Variants in EYS observed in about 807,000 individuals in gnomAD.
The protein encoded by EYS is EGF-like photoreceptor maintenance factor.
A neutral mutation model predicts 282.1 loss-of-function variants in EYS; 250 were observed. The observed-to-expected ratio is 0.89, with a 90% CI of 0.80 to 0.98. The LOEUF (loss-of-function observed/expected upper bound fraction) is 0.98, where lower values mean the gene tolerates loss of function less well. Ranked by LOEUF, EYS falls within the 50% of genes least tolerant of loss-of-function variation. The pLI is 0.00. For missense variants in EYS, 4,016 were observed against 3,709.0 expected, an observed-to-expected ratio of 1.08 and a Z score of -2.15; for synonymous variants, 1,355 against 1,282.9, an observed-to-expected ratio of 1.06 and a Z score of -1.20.
intron 2 of EYS, among the ~76,000 whole-genome samples, chr6:65,627,621 C>T (rs9453349): frequency 0.21 from 31,595 of 151,972 alleles, 3,336 homozygotes; most frequent in East Asian, 0.32. Context: ...GTGGTCTTGG[C>T]GGCCCCACAC....
At chr6:63,778,597 A>G (rs1292044285) in intron 39 of EYS, among the ~76,000 whole-genome samples, 1 of 152,210 alleles carries the variant, frequency 6.6e-6, no homozygotes. Flanking sequence ...TAATAAACCT[A>G]TAATTATTAT....
intron 22 of EYS, among the ~76,000 whole-genome samples, chr6:64,787,915 T>C (rs1774073118): frequency 6.6e-6 from 1 of 152,014 alleles, no homozygotes; most frequent in South Asian, 2.1e-4. Context: ...TTCTGTTATC[T>C]GGGTTTCCCT....
intron 1 of EYS, among the ~76,000 whole-genome samples, chr6:65,694,346 T>C (rs1186215994): frequency 6.7e-6 from 1 of 149,976 alleles, no homozygotes; most frequent in African/African-American, 2.4e-5. Flanking sequence ...ATTTTTAAAT[T>C]TAGTAACTTA....
intron 5 of EYS, among the ~76,000 whole-genome samples, chr6:65,467,228 C>A (rs759664892): frequency 6.6e-6 from 1 of 151,998 alleles, no homozygotes. Context: ...TATACAGAGG[C>A]CTTTTTGCCT....
intron 1 of EYS, among the ~76,000 whole-genome samples, chr6:65,668,131 T>A (rs1276383155): frequency 6.6e-6 from 1 of 151,868 alleles, no homozygotes; most frequent in East Asian, 1.9e-4. Context: ...CACTTTATTT[T>A]GGGCTATCAT....
Position 64,876,359 on chromosome 6 carries a change from G to C in EYS, c.2992+10338C>G, listed in dbSNP as rs111255927. Among the ~76,000 whole-genome samples the C allele has an allele frequency of 8.7e-3, 1,330 of 152,046 alleles. 15 individuals carry two copies. The highest frequency in any genetic ancestry group is 0.03 in the African/African-American group (1,245 of 41,524). On this transcript the variant is annotated intron_variant, in intron 19 of 42. Coordinates refer to ENST00000503581, the MANE Select transcript of EYS (RefSeq NM_001142800.2). Reference sequence around the variant, plus strand: ...GCAGCATGAGAAGAAAATTAAAAGAGAAAACACTTTATGAAAAACTATAAT... The same window carrying C: ...GCAGCATGAGAAGAAAATTAAAAGACAAAACACTTTATGAAAAACTATAAT...
chr6:65,588,118 AG>A (rs1202935865), intron 2 of EYS, among the ~76,000 whole-genome samples: 3 of 152,114 alleles, frequency 2.0e-5, no homozygotes, highest in African/African-American at 7.2e-5. Context: ...TTGATCCAAA[AG>A]GGAATTGAGA....
intron 14 of EYS, among the ~76,000 whole-genome samples, chr6:64,949,935 G>T (rs994097081): frequency 4.6e-5 from 7 of 151,864 alleles, no homozygotes; most frequent in Non-Finnish European, 7.4e-5. Flanking sequence ...TCATTAATTA[G>T]TAGTAGCCAT....
intron 35 of EYS, among the ~76,000 whole-genome samples, chr6:63,882,550 T>C (rs1390903616): frequency 6.6e-6 from 1 of 152,214 alleles, no homozygotes; most frequent in African/African-American, 2.4e-5. Context: ...CTAGGCACTG[T>C]ACAACTGTGT....
intron 14 of EYS, among the ~76,000 whole-genome samples, chr6:64,950,792 C>CATACATATATATATAT (rs1419966413): frequency 3.1e-4 from 19 of 60,910 alleles, no homozygotes; most frequent in African/African-American, 1.1e-3. Flanking sequence ...TACACATATA[C>CATACATATATATATAT]ATATACATAT....
chr6:64,521,002 A>C (rs1777717116), intron 26 of EYS, among the ~76,000 whole-genome samples: 1 of 151,830 alleles, frequency 6.6e-6, no homozygotes, highest in South Asian at 2.1e-4. Flanking sequence ...CTAAACCATT[A>C]AAGGATCAGA....
At chr6:64,831,078 TC>T (rs1765198438) in intron 19 of EYS, among the ~76,000 whole-genome samples, 2 of 151,928 alleles carry the variant, frequency 1.3e-5, no homozygotes, top group Non-Finnish European at 1.5e-5. Flanking sequence ...CATCTTCCTT[TC>T]CCAGTCCTAC....
chr6:64,368,170 A>G (rs1489059936), intron 29 of EYS, among the ~76,000 whole-genome samples: 1 of 152,032 alleles, frequency 6.6e-6, no homozygotes, highest in East Asian at 1.9e-4. Context: ...TTTAGTTCTC[A>G]CTTGTAAGTG....
chr6:63,741,931 G>A (rs999080677), intron 41 of EYS: 4 of 702,146 alleles, frequency 5.7e-6, no homozygotes, highest in African/African-American at 3.5e-5. Flanking sequence ...TTCACTTTCC[G>A]TTCTGCTGGT....
At chr6:65,161,143 G>A (rs970966363) in intron 12 of EYS, among the ~76,000 whole-genome samples, 3 of 150,910 alleles carry the variant, frequency 2.0e-5, no homozygotes, top group African/African-American at 7.3e-5. Context: ...TAAGGAGTTG[G>A]CTACTGCTTA....
intron 11 of EYS, among the ~76,000 whole-genome samples, chr6:65,324,398 A>G (rs1769561396): frequency 6.6e-6 from 1 of 152,184 alleles, no homozygotes; most frequent in African/African-American, 2.4e-5. Flanking sequence ...TCCAGTTCAC[A>G]TCTTCACCCT....
At chr6:64,267,237 C>T (rs879574977) in intron 30 of EYS, among the ~76,000 whole-genome samples, 6 of 152,084 alleles carry the variant, frequency 3.9e-5, no homozygotes, top group Non-Finnish European at 8.8e-5. Flanking sequence ...TCAAAGAGAT[C>T]TGAGAGGCTC....
At chr6:63,734,551 G>A (rs1010267797) in intron 41 of EYS, among the ~76,000 whole-genome samples, 1 of 152,074 alleles carries the variant, frequency 6.6e-6, no homozygotes, top group African/African-American at 2.4e-5. Context: ...ATGGTGGCTT[G>A]TATCAGAGAA....
At chr6:65,506,188 C>G (rs1460115127) in intron 2 of EYS, among the ~76,000 whole-genome samples, 1 of 152,062 alleles carries the variant, frequency 6.6e-6, no homozygotes. Context: ...TATATCTTTT[C>G]TCGTCTCTTT....
Sources: allele counts gnomAD v4.1 joint callset (sites outside exome capture counted in the v4.1 genomes callset), GRCh38; gene constraint gnomAD v4.1.1; transcripts MANE v1.5; gene names NCBI Gene and HGNC (gene_info 2026-07-23, HGNC 2026-07-21).